Variants in KCND2 observed in about 807,000 individuals in gnomAD.
KCND2 encodes the protein potassium voltage-gated channel subfamily D member 2.
A neutral mutation model predicts 54.4 loss-of-function variants in KCND2; 16 were observed. The observed-to-expected ratio is 0.29, with a 90% CI of 0.20 to 0.45. The LOEUF is 0.45. KCND2 is among the 20% of genes least tolerant of loss of function. The pLI, the probability that KCND2 is intolerant of heterozygous loss-of-function variation, is 1.00. For missense variants in KCND2, 486 were observed against 824.2 expected (o/e 0.59, Z 5.02); for synonymous variants, 317 against 310.7 (o/e 1.02, Z -0.21).
chr7:120,705,888 T>A (rs1792460900), intron 1 of KCND2, among the ~76,000 whole-genome samples: 1 of 152,094 alleles, frequency 6.6e-6, no homozygotes, highest in Non-Finnish European at 1.5e-5. Context: ...TGATTCCTTC[T>A]CTCTCTTTTC....
chr7:120,731,748 T>C (rs1193567600), intron 1 of KCND2, among the ~76,000 whole-genome samples: 2 of 152,214 alleles, frequency 1.3e-5, no homozygotes, highest in African/African-American at 2.4e-5. Context: ...GTTTGGTTTA[T>C]TGTCATAAAG....
chr7:120,491,327 T>C (rs1160843694), intron 1 of KCND2, among the ~76,000 whole-genome samples: 1 of 152,138 alleles, frequency 6.6e-6, no homozygotes, highest in Non-Finnish European at 1.5e-5. Context: ...GTGCCTACTA[T>C]GCACAAGGAA....
At chr7:120,727,399 G>A (rs187856350) in intron 1 of KCND2, among the ~76,000 whole-genome samples, 39 of 152,246 alleles carry the variant, frequency 2.6e-4, no homozygotes, top group African/African-American at 9.1e-4. Context: ...TTGATAAATA[G>A]GAAGATGGAT....
chr7:120,690,591 A>T (rs1017477399), intron 1 of KCND2, among the ~76,000 whole-genome samples: 4 of 152,178 alleles, frequency 2.6e-5, no homozygotes, highest in Non-Finnish European at 5.9e-5. Context: ...GAAGGGCAGG[A>T]CACTGGAACA....
At chr7:120,634,079 T>C (rs1000795819) in intron 1 of KCND2, among the ~76,000 whole-genome samples, 3 of 152,124 alleles carry the variant, frequency 2.0e-5, no homozygotes, top group African/African-American at 7.2e-5. Flanking sequence ...TTATAGAATC[T>C]TTTTTCATTT....
chr7:120,487,553 A>G (rs1369311214), intron 1 of KCND2, among the ~76,000 whole-genome samples: 4 of 152,118 alleles, frequency 2.6e-5, no homozygotes, highest in Admixed American at 6.5e-5. Context: ...TATCAGGATC[A>G]ATAGTGTCCT....
At chr7:120,649,012 T>A (rs751634792) in intron 1 of KCND2, among the ~76,000 whole-genome samples, 15 of 152,168 alleles carry the variant, frequency 9.9e-5, no homozygotes, top group Non-Finnish European at 2.2e-4. Flanking sequence ...TCACCTATTA[T>A]AAAAACACAT....
chr7:120,668,822 C>T (rs924281332), intron 1 of KCND2, among the ~76,000 whole-genome samples: 7 of 151,884 alleles, frequency 4.6e-5, no homozygotes, highest in Admixed American at 1.3e-4. Context: ...TTACAGTGCT[C>T]GTTGATATTT....
intron 1 of KCND2, among the ~76,000 whole-genome samples, chr7:120,554,973 A>G (rs1562871904): frequency 6.6e-6 from 1 of 152,204 alleles, no homozygotes; most frequent in African/African-American, 2.4e-5. Context: ...TTGAAAATCT[A>G]TGAAGTCCTG....
At chr7:120,539,516 C>G (rs1791953948) in intron 1 of KCND2, among the ~76,000 whole-genome samples, 1 of 152,196 alleles carries the variant, frequency 6.6e-6, no homozygotes, top group African/African-American at 2.4e-5. Flanking sequence ...AAACGAGGCT[C>G]TCCACGGCAC....
chr7:120,611,437 G>A (rs1195280345), intron 1 of KCND2, among the ~76,000 whole-genome samples: 1 of 152,170 alleles, frequency 6.6e-6, no homozygotes, highest in Non-Finnish European at 1.5e-5. Flanking sequence ...CCCTACATTT[G>A]CAGGGGGTGT....
intron 1 of KCND2, among the ~76,000 whole-genome samples, chr7:120,399,970 C>T (rs1801222902): frequency 6.6e-6 from 1 of 152,112 alleles, no homozygotes; most frequent in South Asian, 2.1e-4. Context: ...ATGTGATTCT[C>T]TTGCCTTAGC....
intron 1 of KCND2, among the ~76,000 whole-genome samples, chr7:120,325,509 A>C (rs1221164138): frequency 6.6e-6 from 1 of 151,460 alleles, no homozygotes; most frequent in African/African-American, 2.4e-5. Context: ...TTTTAGCATG[A>C]AGAGTTGTTG....
chr7:120,427,929 A>G (rs773620398), intron 1 of KCND2, among the ~76,000 whole-genome samples: 3 of 152,166 alleles, frequency 2.0e-5, no homozygotes, highest in Non-Finnish European at 2.9e-5. Context: ...GTGACTTTCT[A>G]TTGTGTATAA....
At chr7:120,434,489 G>A (rs577581787) in intron 1 of KCND2, among the ~76,000 whole-genome samples, 5 of 152,308 alleles carry the variant, frequency 3.3e-5, no homozygotes, top group Non-Finnish European at 4.4e-5. Context: ...CTCCGCTCCA[G>A]AATGAACAGA....
chr7:120,334,342 C>T (rs1369093698), intron 1 of KCND2, among the ~76,000 whole-genome samples: 1 of 152,174 alleles, frequency 6.6e-6, no homozygotes, highest in Non-Finnish European at 1.5e-5. Context: ...GTTACAGGGA[C>T]ATTAACATCT....
intron 1 of KCND2, among the ~76,000 whole-genome samples, chr7:120,527,813 A>G (rs1210407686): frequency 6.6e-6 from 1 of 152,078 alleles, no homozygotes; most frequent in Non-Finnish European, 1.5e-5. Context: ...TTCCCTACAT[A>G]TAGGGAAGTA....
intron 1 of KCND2, among the ~76,000 whole-genome samples, chr7:120,534,876 A>G (rs920720704): frequency 1.4e-4 from 22 of 152,290 alleles, no homozygotes; most frequent in Non-Finnish European, 3.1e-4. Context: ...AAGTGGAATG[A>G]TAAAAGAAAT....
intron 1 of KCND2, among the ~76,000 whole-genome samples, chr7:120,686,156 G>T (rs1424173676): frequency 1.3e-5 from 2 of 152,148 alleles, no homozygotes; most frequent in African/African-American, 4.8e-5. Context: ...AGATTAAATG[G>T]TAAATGGATA....
Sources: allele counts gnomAD v4.1 joint callset (sites outside exome capture counted in the v4.1 genomes callset), GRCh38; gene constraint gnomAD v4.1.1; transcripts MANE v1.5; gene names NCBI Gene and HGNC (gene_info 2026-07-23, HGNC 2026-07-21).